The following DMXL1 variants were observed in gnomAD, a reference collection of about 807,000 sequenced individuals.
DMXL1 encodes the protein Dmx like 1.
A neutral mutation model predicts 319.2 loss-of-function variants in DMXL1; 99 were observed. The ratio of observed to expected loss-of-function variants is 0.31; its 90% CI spans 0.26 to 0.37. The LOEUF is 0.37. DMXL1 is among the 10% of genes least tolerant of loss of function. DMXL1 has a pLI of 1.00. For synonymous variants in DMXL1, 1,385 were observed against 1,235.2 expected (o/e 1.12, Z -2.54); for missense variants, 3,745 against 3,595.6 (o/e 1.04, Z -1.06).
Position 119,134,255 on chromosome 5 carries a change from A to G in DMXL1, c.2255-13A>G, listed in dbSNP as rs1765526986. The G allele has an allele frequency of 6.2e-7, 1 of 1,604,172 alleles. No individual in the cohort carries two copies. Among genetic ancestry groups the G allele is most frequent in the Non-Finnish European group, 8.5e-7 (1 of 1,177,316 alleles). ...CAAAGGGTGAAATTTTAATATTTGT[A>G]AATACTTTCTAGGTGCATACTGCAA... On this transcript the variant is annotated splice_polypyrimidine_tract_variant and intron_variant, in intron 12 of 43. Coordinates refer to ENST00000539542, the MANE Select transcript of DMXL1 (RefSeq NM_001290321.3).
rs1349591043 is a variant in DMXL1, at chr5:119,133,627, G to A, written c.1703G>A (p.Gly568Asp). 6.2e-7 allele frequency: 1 copy of A among 1,613,966 alleles called. No homozygotes were observed. Among genetic ancestry groups the A allele is most frequent in the Non-Finnish European group, 8.5e-7 (1 of 1,180,024 alleles). The stretch of plus-strand genomic sequence containing the variant: ...CAGCAGGGGAAACAAAAACCTTCTG[G>A]CCTCACCCGTTCCACATCAATGCTT... ...AIQQGKQKPSGLTRSTSMLIS... is the reference protein window; with the variant it reads ...AIQQGKQKPSDLTRSTSMLIS... The change falls in exon 12 of 44, where the codon GGC becomes GAC. Residue 568 changes from glycine (G) to aspartate (D), a missense_variant. Transcript: ENST00000539542.
Position 119,133,706 on chromosome 5 carries a change from G to C in DMXL1, c.1782G>C (p.Thr594=), listed in dbSNP as rs934636847. The change falls in exon 12 of 44, where the codon ACG becomes ACC. Residue 594 remains threonine, a synonymous_variant. Coordinates refer to ENST00000539542, the MANE Select transcript of DMXL1 (RefSeq NM_001290321.3). Reference sequence around the variant, plus strand: ...ATAGTTTAAAATTAAGTATTTTTACGCCTAATGTTATGATGATATCAAAAC... The same window carrying C: ...ATAGTTTAAAATTAAGTATTTTTACCCCTAATGTTATGATGATATCAAAAC... ...SSNSLKLSIF[T]PNVMMISKHA... The C allele has an allele frequency of 1.9e-6, 3 of 1,613,966 alleles. No individual in the cohort carries two copies. Among genetic ancestry groups the C allele is most frequent in the African/African-American group, 1.3e-5 (1 of 74,884 alleles).
intron 21 of DMXL1, among the ~76,000 whole-genome samples, chr5:119,166,145 C>T (rs1011463769): frequency 6.6e-6 from 1 of 152,144 alleles, no homozygotes; most frequent in African/African-American, 2.4e-5. Flanking sequence ...GAGTTTATTT[C>T]CAGATGACCC....
Position 119,118,828 on chromosome 5 carries a change from A to C in DMXL1, c.757A>C (p.Asn253His). 2 of 1,611,396 alleles carry C rather than the reference A, an allele frequency of 1.2e-6. No homozygotes were observed. The highest frequency in any genetic ancestry group is 1.7e-6 in the Non-Finnish European group (2 of 1,179,134). The change falls in exon 8 of 44, where the codon AAT becomes CAT. Residue 253 changes from asparagine to histidine, a missense_variant. Transcript: ENST00000539542. ...SKYMPRASVC[N>H]VLLTCCKDNV... ...TTCATTCCTTAGGGCTTCTGTATGT[A>C]ATGTACTGTTGACTTGCTGCAAAGA...
intron 1 of DMXL1, among the ~76,000 whole-genome samples, chr5:119,072,971 C>T (rs1749972786): frequency 6.6e-6 from 1 of 152,132 alleles, no homozygotes; most frequent in African/African-American, 2.4e-5. Context: ...GAAGGTTTTC[C>T]TAGTGGGAAA....
At chr5:119,219,130 G>C (rs192457207) in intron 35 of DMXL1, among the ~76,000 whole-genome samples, 2 of 152,126 alleles carry the variant, frequency 1.3e-5, no homozygotes, top group Non-Finnish European at 2.9e-5. Flanking sequence ...CTTTACACTG[G>C]TTGCCTGAGC....
intron 32 of DMXL1, among the ~76,000 whole-genome samples, chr5:119,200,048 C>G (rs1345035176): frequency 6.6e-6 from 1 of 152,074 alleles, no homozygotes; most frequent in Non-Finnish European, 1.5e-5. Context: ...TTGATAGTTT[C>G]TTTTGTTTTG....
intron 32 of DMXL1, 128 bp from the exon 33 acceptor site, chr5:119,203,191 G>GCA: frequency 1.7e-6 from 1 of 572,268 alleles, no homozygotes; most frequent in Non-Finnish European, 3.1e-6. Context: ...TTGGCCATAT[G>GCA]ATCTGCCTCC....
At chr5:119,221,348 C>T (rs945736869) in intron 37 of DMXL1, among the ~76,000 whole-genome samples, 3 of 152,146 alleles carry the variant, frequency 2.0e-5, no homozygotes, top group Admixed American at 6.5e-5. Context: ...TCAGATCAGG[C>T]TTCAGCAAGG....
chr5:119,167,828 G>A lies in DMXL1; in HGVS notation c.5362G>A (p.Glu1788Lys), dbSNP rs1330858380. 4 of 1,613,106 alleles carry A rather than the reference G, an allele frequency of 2.5e-6. No individual in the cohort carries two copies. The highest frequency in any genetic ancestry group is 3.4e-6 in the Non-Finnish European group (4 of 1,179,612). Residue 1788 changes from glutamate to lysine, a missense_variant, in exon 23 of 44, where the codon GAA becomes AAA. Glu to Lys is a moderately conservative substitution (Grantham distance 56). Coordinates refer to ENST00000539542, the MANE Select transcript of DMXL1 (RefSeq NM_001290321.3). ...TTTGGAAGATTATAGTGGTGCTCTG[G>A]AAACATTAATAAAGCAACCTATCAG... ...WILEDYSGAL[E>K]TLIKQPIREN... is the part of the protein sequence containing the mutation.
Position 119,216,916 on chromosome 5 carries a change from G to T in DMXL1, c.7942G>T (p.Gly2648Ter). 6.3e-7 allele frequency: 1 copy of T among 1,593,680 alleles called. No individual in the cohort carries two copies. Among genetic ancestry groups the T allele is most frequent in the South Asian group, 1.2e-5 (1 of 86,632 alleles). ...TTTTATTTAGATAGAAGCAGATTTG[G>T]GATATCCTGGAGGTAAAGCAAGAAT... The part of the protein sequence containing the change: ...PNINKIEADL[G>*]YPGGKARIIH... Residue 2648 changes from glycine to a stop codon, truncating the protein, a stop_gained, in exon 35 of 44, where the codon GGA (glycine) becomes TGA (stop). Coordinates refer to ENST00000539542, the MANE Select transcript of DMXL1 (RefSeq NM_001290321.3). LOFTEE classifies it high-confidence loss of function.
At chr5:119,122,661 G>T (rs1011231640) in intron 9 of DMXL1, among the ~76,000 whole-genome samples, 3 of 151,092 alleles carry the variant, frequency 2.0e-5, no homozygotes, top group Non-Finnish European at 4.4e-5. Context: ...TCCCCTCCCA[G>T]ACGGGGTCGC....
At chr5:119,179,987 T>C (rs1398524121) in intron 28 of DMXL1, among the ~76,000 whole-genome samples, 1 of 152,226 alleles carries the variant, frequency 6.6e-6, no homozygotes, top group Non-Finnish European at 1.5e-5. Context: ...TATTTAGTTC[T>C]GCCCTTGTAG....
At chr5:119,175,371 A>C in intron 26 of DMXL1, 34 bp downstream of exon 26, 1 of 1,469,898 alleles carries the variant, frequency 6.8e-7, no homozygotes, top group Non-Finnish European at 9.5e-7. Flanking sequence ...AAGAATGCTT[A>C]CAGTAAGCAA....
At chr5:119,126,256 C>G (rs1025366308) in intron 9 of DMXL1, among the ~76,000 whole-genome samples, 3 of 152,138 alleles carry the variant, frequency 2.0e-5, no homozygotes, top group Non-Finnish European at 1.5e-5. Context: ...GCCCTCCACC[C>G]TGGGCAGCAA....
chr5:119,247,294 T>G lies in DMXL1; in HGVS notation c.*75T>G. 1.0e-6 allele frequency: 1 copy of G among 997,768 alleles called. No individual in the cohort carries two copies. Among genetic ancestry groups the G allele is most frequent in the South Asian group, 1.8e-5 (1 of 55,036 alleles). The allele number at this position is 997,768 out of a possible 1,614,324, so 61.8% of individuals were successfully genotyped here. On this transcript the variant is annotated 3_prime_UTR_variant, in exon 44 of 44. Coordinates refer to ENST00000539542, the MANE Select transcript of DMXL1 (RefSeq NM_001290321.3). ...CAGATATAATATACAGTGATCATTC[T>G]CTATGCCACAAATTAGCTAATGCTT... is the stretch of plus-strand genomic sequence containing the variant.
At chr5:119,125,454 A>T (rs1183085415) in intron 9 of DMXL1, among the ~76,000 whole-genome samples, 1 of 152,224 alleles carries the variant, frequency 6.6e-6, no homozygotes, top group Non-Finnish European at 1.5e-5. Flanking sequence ...GGGCCACTAT[A>T]TGGAAAATAT....
chr5:119,136,145 A>G (rs140510698), intron 13 of DMXL1, among the ~76,000 whole-genome samples: 1 of 152,348 alleles, frequency 6.6e-6, no homozygotes, highest in East Asian at 1.9e-4. Context: ...AAGATCACTC[A>G]TGTTAATGCT....
chr5:119,125,446 G>A (rs1471850066), intron 9 of DMXL1, among the ~76,000 whole-genome samples: 1 of 152,070 alleles, frequency 6.6e-6, no homozygotes, highest in Admixed American at 6.6e-5. Context: ...TTTTAGCAGG[G>A]CCACTATATG....
Sources: allele counts gnomAD v4.1 joint callset (sites outside exome capture counted in the v4.1 genomes callset), GRCh38; gene constraint gnomAD v4.1.1; transcripts MANE v1.5; gene names NCBI Gene and HGNC (gene_info 2026-07-23, HGNC 2026-07-21).